The following MARCHF6 variants were observed in gnomAD, a reference collection of about 807,000 sequenced individuals.
MARCHF6 encodes the protein membrane associated ring-CH-type finger 6.
MARCHF6 carries 31 observed loss-of-function variants against 133.7 expected under a neutral mutation model. The ratio of observed to expected loss-of-function variants is 0.23; its 90% CI spans 0.17 to 0.31. The LOEUF is 0.31. Among genes scored for constraint, MARCHF6 ranks in the 10% least tolerant of loss-of-function variants. MARCHF6 has a pLI of 1.00. For missense variants in MARCHF6, 723 were observed against 1,121.6 expected, an observed-to-expected ratio of 0.64 and a Z score of 5.08; for synonymous variants, 395 against 402.5, an observed-to-expected ratio of 0.98 and a Z score of 0.22.
chr5:10,406,001 T>G (rs2567582), intron 16 of MARCHF6, among the ~76,000 whole-genome samples: 33,658 of 152,026 alleles, frequency 0.22, 5,485 homozygotes, highest in East Asian at 0.68. Context: ...TGGGCAGCGG[T>G]CAAGCAAGCA....
At chr5:10,431,589 A>T (rs1404210856) in intron 25 of MARCHF6, among the ~76,000 whole-genome samples, 2 of 151,790 alleles carry the variant, frequency 1.3e-5, no homozygotes, top group Admixed American at 6.6e-5. Flanking sequence ...ACTCTTTAGC[A>T]CAGGGTTTGG....
At position 10,407,187 on chromosome 5, in the gene MARCHF6, A is replaced by G; in HGVS notation, c.1538A>G (p.Asn513Ser). ...KSVLPNFLPY[N>S]VMLYSDAPVS... The stretch of plus-strand genomic sequence containing the variant: ...GTGCTGCCTAATTTTCTTCCATACA[A>G]TGTCATGCTCTACAGGTAAGTTTTA... The change falls in exon 17 of 26, where the codon AAT becomes AGT. Residue 513 changes from asparagine (N) to serine (S), a missense_variant. Asn to Ser is a conservative substitution (Grantham distance 46, BLOSUM62 1). Coordinates refer to ENST00000274140, the MANE Select transcript of MARCHF6 (RefSeq NM_005885.4). 2 of 1,607,632 alleles carry G rather than the reference A, an allele frequency of 1.2e-6. No homozygotes were observed. Among genetic ancestry groups the G allele is most frequent in the Non-Finnish European group, 1.7e-6 (2 of 1,174,986 alleles).
At chr5:10,399,248 C>T (rs1423021832) in intron 10 of MARCHF6, among the ~76,000 whole-genome samples, 1 of 151,992 alleles carries the variant, frequency 6.6e-6, no homozygotes, top group Non-Finnish European at 1.5e-5. Context: ...AGTTTTTTTC[C>T]TTACCTTATT....
At chr5:10,363,722 T>G (rs1735958771) in intron 1 of MARCHF6, among the ~76,000 whole-genome samples, 1 of 152,184 alleles carries the variant, frequency 6.6e-6, no homozygotes, top group African/African-American at 2.4e-5. Context: ...GTCCATCAAC[T>G]GATGAGTAGA....
intron 1 of MARCHF6, among the ~76,000 whole-genome samples, chr5:10,365,993 C>T (rs1332159517): frequency 6.6e-6 from 1 of 151,928 alleles, no homozygotes; most frequent in Non-Finnish European, 1.5e-5. Flanking sequence ...AATGCAGTCA[C>T]GCAATTTCGG....
chr5:10,377,745 T>C (rs549522798), intron 1 of MARCHF6, 53 bp from the exon 2 acceptor site: 2 of 1,352,058 alleles, frequency 1.5e-6, no homozygotes, highest in Admixed American at 3.4e-5. Context: ...GTTTCTTGCT[T>C]TTTTAAAAAA....
At chr5:10,420,634 A>G (rs1322253590) in intron 22 of MARCHF6, among the ~76,000 whole-genome samples, 1 of 152,250 alleles carries the variant, frequency 6.6e-6, no homozygotes, top group Non-Finnish European at 1.5e-5. Context: ...GGACATAAAC[A>G]ATTTGACAGA....
At position 10,397,279 on chromosome 5, in the gene MARCHF6, CT is replaced by C; in HGVS notation, c.862-8del. On this transcript the variant is annotated splice_polypyrimidine_tract_variant and intron_variant, in intron 9 of 25. Coordinates refer to ENST00000274140, the MANE Select transcript of MARCHF6 (RefSeq NM_005885.4). ...ATGAATTGAATATGCTTTATTGATG[CT>C]TTTTTCCTTTAGGAACATGTCTTCT... The C allele has an allele frequency of 2.6e-6, 4 of 1,543,896 alleles. No homozygotes were observed. The highest frequency in any genetic ancestry group is 2.2e-5 in the Admixed American group (1 of 46,290).
At chr5:10,357,871 G>A (rs932992212) in intron 1 of MARCHF6, among the ~76,000 whole-genome samples, 1 of 151,630 alleles carries the variant, frequency 6.6e-6, no homozygotes, top group Non-Finnish European at 1.5e-5. Flanking sequence ...AAATAAACAT[G>A]TAAATTATAT....
rs1343646016 is a variant in MARCHF6, at chr5:10,437,583, T to A, written c.*3899T>A. On this transcript the variant is annotated 3_prime_UTR_variant, in exon 26 of 26. Coordinates refer to ENST00000274140, the MANE Select transcript of MARCHF6 (RefSeq NM_005885.4). ...GTATATGTATGTTTTCATTCCTGTTTTGTACGAGTGCCTCATTTTGTAGTC... is the reference window on the plus strand; with the variant it reads ...GTATATGTATGTTTTCATTCCTGTTATGTACGAGTGCCTCATTTTGTAGTC... The A allele has an allele frequency of 1.3e-5, 2 of 152,230 alleles. No individual in the cohort carries two copies. Among genetic ancestry groups the A allele is most frequent in the Non-Finnish European group, 2.9e-5 (2 of 68,044 alleles). 9.4% of individuals were successfully genotyped at this position (152,230 alleles called of 1,614,324 possible). A position where few individuals can be genotyped will look rare whatever the true frequency, so the allele number is the denominator to read the frequency against.
chr5:10,424,091 A>G (rs997079038), intron 23 of MARCHF6, among the ~76,000 whole-genome samples: 3 of 152,214 alleles, frequency 2.0e-5, no homozygotes, highest in African/African-American at 7.2e-5. Flanking sequence ...AAAGTTTATT[A>G]AAGTACATAT....
At chr5:10,410,017 A>AAT in intron 17 of MARCHF6, 122 bp from the exon 18 acceptor site, 1 of 1,031,952 alleles carries the variant, frequency 9.7e-7, no homozygotes, top group Non-Finnish European at 1.4e-6. Context: ...TTGGAGAGAG[A>AAT]ATGAAAGGAG....
chr5:10,413,119 T>C (rs1301411505), intron 19 of MARCHF6, among the ~76,000 whole-genome samples: 1 of 152,252 alleles, frequency 6.6e-6, no homozygotes, highest in Non-Finnish European at 1.5e-5. Context: ...GGCATATCTC[T>C]GTTCCTGATT....
chr5:10,363,267 A>G (rs750123700), intron 1 of MARCHF6, among the ~76,000 whole-genome samples: 3 of 152,222 alleles, frequency 2.0e-5, no homozygotes, highest in Non-Finnish European at 2.9e-5. Flanking sequence ...CAGAAGATGT[A>G]TCTTATAAGG....
chr5:10,426,639 C>T (rs1372910346), intron 24 of MARCHF6, 117 bp downstream of exon 24: 3 of 1,111,066 alleles, frequency 2.7e-6, no homozygotes, highest in African/African-American at 3.2e-5. Context: ...AATGTGAATC[C>T]AGCTAAGACA....
At chr5:10,376,303 G>T (rs1375527139) in intron 1 of MARCHF6, among the ~76,000 whole-genome samples, 2 of 151,760 alleles carry the variant, frequency 1.3e-5, no homozygotes, top group African/African-American at 4.8e-5. Context: ...CTCCAGACGC[G>T]CTGCCTTAAG....
intron 3 of MARCHF6, among the ~76,000 whole-genome samples, chr5:10,380,268 G>C (rs1367960307): frequency 1.3e-5 from 2 of 151,610 alleles, no homozygotes; most frequent in Non-Finnish European, 1.5e-5. Context: ...GAGTATAAAT[G>C]ATTAAAGTTA....
chr5:10,367,388 C>T (rs1042918326), intron 1 of MARCHF6, among the ~76,000 whole-genome samples: 4 of 152,146 alleles, frequency 2.6e-5, no homozygotes, highest in Admixed American at 6.5e-5. Flanking sequence ...TATGGGAACT[C>T]TGTACTCTCT....
chr5:10,427,270 G>A (rs932861211), intron 24 of MARCHF6, among the ~76,000 whole-genome samples: 1 of 152,156 alleles, frequency 6.6e-6, no homozygotes, highest in Non-Finnish European at 1.5e-5. Context: ...TTCCTATCTG[G>A]TTTCCCAGCC....
Sources: gnomAD v4.1 joint callset for allele counts (sites outside exome capture counted in the v4.1 genomes callset) on GRCh38, gnomAD v4.1.1 for gene constraint, MANE v1.5 for transcripts, NCBI Gene and HGNC (gene_info 2026-07-23, HGNC 2026-07-21) for gene names.